Variants in SPATA17 observed in about 807,000 individuals in gnomAD.
SPATA17 encodes the protein spermatogenesis-associated protein 17.
A neutral mutation model predicts 62.2 loss-of-function variants in SPATA17; 53 were observed. The observed-to-expected ratio is 0.85, with a 90% CI of 0.68 to 1.07. The LOEUF (loss-of-function observed/expected upper bound fraction) is 1.07, where lower values mean the gene tolerates loss of function less well. SPATA17 is among the 50% of genes least tolerant of loss of function. SPATA17 has a pLI of 0.00. For missense variants in SPATA17, 466 were observed against 425.5 expected, an observed-to-expected ratio of 1.10 and a Z score of -0.84; for synonymous variants, 146 against 146.8, an observed-to-expected ratio of 0.99 and a Z score of 0.04.
chr1:217,793,970 G>T (rs1038164865), intron 8 of SPATA17, among the ~76,000 whole-genome samples: 6 of 152,042 alleles, frequency 3.9e-5, no homozygotes, highest in Admixed American at 1.3e-4. Flanking sequence ...CAAAAAATTA[G>T]TTGGGTGTGG....
intron 5 of SPATA17, among the ~76,000 whole-genome samples, chr1:217,706,552 T>TG (rs1034981135): frequency 6.6e-6 from 1 of 152,220 alleles, no homozygotes; most frequent in African/African-American, 2.4e-5. Context: ...TTCTTGCTCT[T>TG]GCCTGCTGCC....
intron 3 of SPATA17, among the ~76,000 whole-genome samples, chr1:217,668,278 T>C (rs1670748752): frequency 1.3e-5 from 2 of 152,178 alleles, no homozygotes; most frequent in South Asian, 4.1e-4. Context: ...TGGGGAAGCT[T>C]AATTTAAAGA....
rs1676065210 is a variant in SPATA17, at chr1:217,868,576, C to G, written c.*1557C>G. The G allele has an allele frequency of 1.3e-5, 2 of 149,110 alleles. No homozygotes were observed. Among genetic ancestry groups the G allele is most frequent in the Admixed American group, 1.3e-4 (2 of 14,870 alleles). The allele number at this position is 149,110 out of a possible 1,614,324, so 9.2% of individuals were successfully genotyped here. On this transcript the variant is annotated 3_prime_UTR_variant, in exon 11 of 11. Coordinates refer to ENST00000366933, the MANE Select transcript of SPATA17 (RefSeq NM_138796.4). ...CCCATGTAATTTATTGAATATTGTA[C>G]TAAAAGTGAAAAACTGAATAGTTGT...
intron 7 of SPATA17, among the ~76,000 whole-genome samples, chr1:217,775,193 G>T (rs1476449590): frequency 6.6e-6 from 1 of 152,162 alleles, no homozygotes; most frequent in Non-Finnish European, 1.5e-5. Context: ...GCGATGTTGA[G>T]AATCTTTTTA....
At chr1:217,799,811 G>A (rs886698442) in intron 8 of SPATA17, among the ~76,000 whole-genome samples, 6 of 151,934 alleles carry the variant, frequency 3.9e-5, no homozygotes, top group African/African-American at 1.5e-4. Context: ...TAGATCATCT[G>A]TGTGAAAATT....
chr1:217,742,531 G>A (rs754853184), intron 6 of SPATA17, among the ~76,000 whole-genome samples: 7 of 152,168 alleles, frequency 4.6e-5, no homozygotes, highest in African/African-American at 7.2e-5. Context: ...TTTGATGGAA[G>A]TTTTCAGGTA....
At chr1:217,757,957 AAT>A (rs973773981) in intron 6 of SPATA17, among the ~76,000 whole-genome samples, 4 of 152,146 alleles carry the variant, frequency 2.6e-5, no homozygotes, top group African/African-American at 9.7e-5. Flanking sequence ...CTTCCAGAGT[AAT>A]CCTTACAAGA....
At chr1:217,654,682 C>G (rs901345378) in intron 3 of SPATA17, among the ~76,000 whole-genome samples, 2 of 150,980 alleles carry the variant, frequency 1.3e-5, no homozygotes, top group Non-Finnish European at 2.9e-5. Flanking sequence ...GCCCCCTTAT[C>G]TCTCAATATA....
At chr1:217,667,484 G>A (rs1298232520) in intron 3 of SPATA17, among the ~76,000 whole-genome samples, 3 of 151,988 alleles carry the variant, frequency 2.0e-5, no homozygotes, top group Non-Finnish European at 4.4e-5. Context: ...TAGTCTTCAC[G>A]ACAACTCAAT....
rs1571846676 is a variant in SPATA17 at position 217,857,494 on chromosome 1, T to C, written c.1006-5280T>C. On this transcript the variant is annotated intron_variant, in intron 9 of 10. Transcript: ENST00000366933. ...GGCAAGCAAGGGCTATGGCAGCATT[T>C]AAAATTACCATCCCTAGTGTTTTTT... Among the ~76,000 whole-genome samples the C allele has an allele frequency of 2.0e-5, 3 of 152,200 alleles. No individual in the cohort carries two copies. The South Asian group carries it at 6.2e-4, about 32-fold the overall frequency.
At chr1:217,775,312 A>G (rs998315764) in intron 7 of SPATA17, among the ~76,000 whole-genome samples, 2 of 152,136 alleles carry the variant, frequency 1.3e-5, no homozygotes, top group African/African-American at 4.8e-5. Flanking sequence ...GGAGTTCTCT[A>G]TATATTCTGG....
intron 5 of SPATA17, among the ~76,000 whole-genome samples, chr1:217,732,846 CATT>C (rs1672430310): frequency 1.3e-5 from 2 of 152,138 alleles, no homozygotes; most frequent in African/African-American, 4.8e-5. Context: ...GTAGTTATGT[CATT>C]ATTAATTATT....
chr1:217,700,886 A>C (rs1462138362), intron 5 of SPATA17, among the ~76,000 whole-genome samples: 1 of 149,002 alleles, frequency 6.7e-6, no homozygotes, highest in African/African-American at 2.5e-5. Context: ...GATTACGGTT[A>C]TGAGGCACCG....
intron 10 of SPATA17, among the ~76,000 whole-genome samples, chr1:217,864,421 T>C (rs1675964531): frequency 6.6e-6 from 1 of 152,112 alleles, no homozygotes; most frequent in Non-Finnish European, 1.5e-5. Flanking sequence ...CTACAATATA[T>C]TTCTAGGAAA....
chr1:217,639,967 T>C (rs189829379), intron 1 of SPATA17, among the ~76,000 whole-genome samples: 1 of 152,190 alleles, frequency 6.6e-6, no homozygotes, highest in East Asian at 1.9e-4. Flanking sequence ...TAAGCTTTTA[T>C]AGTCAAATTA....
chr1:217,739,827 T>C (rs1672588614), intron 5 of SPATA17, among the ~76,000 whole-genome samples: 6 of 152,118 alleles, frequency 3.9e-5, no homozygotes, highest in Admixed American at 3.9e-4. Flanking sequence ...CACTCAAATA[T>C]TACAAGAAAT....
At chr1:217,796,042 C>T (rs1276280493) in intron 8 of SPATA17, among the ~76,000 whole-genome samples, 1 of 152,130 alleles carries the variant, frequency 6.6e-6, no homozygotes, top group African/African-American at 2.4e-5. Flanking sequence ...AAGTGATCCA[C>T]ACACCTTGGC....
intron 3 of SPATA17, among the ~76,000 whole-genome samples, chr1:217,663,094 G>A (rs1157118486): frequency 3.9e-5 from 6 of 152,120 alleles, no homozygotes; most frequent in African/African-American, 1.4e-4. Context: ...TGGTAACTGG[G>A]AGAAAGAATA....
intron 5 of SPATA17, among the ~76,000 whole-genome samples, chr1:217,707,641 G>A (rs560258824): frequency 2.3e-3 from 343 of 152,238 alleles, no homozygotes; most frequent in Non-Finnish European, 3.9e-3. Context: ...TAGACAGAAC[G>A]TTGAGGCAGA....
Sources: allele counts gnomAD v4.1 joint callset (sites outside exome capture counted in the v4.1 genomes callset), GRCh38; gene constraint gnomAD v4.1.1; transcripts MANE v1.5; gene names NCBI Gene and HGNC (gene_info 2026-07-23, HGNC 2026-07-21).